The following CFTR variants were observed in gnomAD, a reference collection of about 807,000 sequenced individuals.
CFTR encodes the protein cystic fibrosis transmembrane conductance regulator.
In CFTR, 181 loss-of-function variants were observed where a neutral mutation model predicts 171.6. The observed-to-expected ratio is 1.05, with a 90% CI of 0.93 to 1.19. CFTR has a LOEUF of 1.19. Ranked by LOEUF, CFTR falls within the 50% of genes most tolerant of loss-of-function variation. The pLI, the probability that CFTR is intolerant of heterozygous loss-of-function variation, is 0.00. For synonymous variants in CFTR, 583 were observed against 608.0 expected, an observed-to-expected ratio of 0.96 and a Z score of 0.60; for missense variants, 1,968 against 1,734.7, an observed-to-expected ratio of 1.13 and a Z score of -2.39.
intron 10 of CFTR, among the ~76,000 whole-genome samples, chr7:117,556,050 C>T (rs947083675): frequency 6.6e-6 from 1 of 151,974 alleles, no homozygotes; most frequent in Non-Finnish European, 1.5e-5. Context: ...CAAGTAATCT[C>T]TATAAGATTT....
At chr7:117,578,476 A>G (rs1434294869) in intron 11 of CFTR, among the ~76,000 whole-genome samples, 1 of 152,176 alleles carries the variant, frequency 6.6e-6, no homozygotes, top group African/African-American at 2.4e-5. Context: ...GGTCAACAGT[A>G]GACTATTGCT....
Position 117,567,358 on chromosome 7 carries a change from A to G in CFTR, c.1584+7703A>G, listed in dbSNP as rs536888053. 7.0e-4 allele frequency among the ~76,000 whole-genome samples: 107 copies of G among 152,214 alleles called. 1 individual carries two copies. The highest frequency in any genetic ancestry group is 7.5e-4 in the Non-Finnish European group (51 of 68,028). On this transcript the variant is annotated intron_variant, in intron 11 of 26. Coordinates refer to ENST00000003084, the MANE Select transcript of CFTR (RefSeq NM_000492.4). Reference sequence around the variant, plus strand: ...ATCATGTCATTAGGCTTCTGACTCTATAGCCATAGAAAAATATTCATGAAG... The same window carrying G: ...ATCATGTCATTAGGCTTCTGACTCTGTAGCCATAGAAAAATATTCATGAAG...
intron 1 of CFTR, among the ~76,000 whole-genome samples, chr7:117,481,174 C>T (rs1051922505): frequency 2.0e-5 from 3 of 152,158 alleles, no homozygotes; most frequent in Non-Finnish European, 2.9e-5. Flanking sequence ...CCTGGAACTC[C>T]GGTGCTAAGG....
In CFTR at chr7:117,664,821, T is replaced by C. The variant is rs200955612; in HGVS notation, c.4097T>C (p.Ile1366Thr). The C allele has an allele frequency of 1.2e-5, 19 of 1,614,030 alleles. No individual in the cohort carries two copies. Among genetic ancestry groups the C allele is most frequent in the Middle Eastern group, 1.7e-4 (1 of 6,058 alleles). ...AGATCTGTTCTCAGTAAGGCGAAGA[T>C]CTTGCTGCTTGATGAACCCAGTGCT... The part of the protein sequence containing the change: ...LARSVLSKAK[I>T]LLLDEPSAHL... Residue 1366 changes from isoleucine to threonine, a missense_variant, in exon 25 of 27, where the codon ATC becomes ACC. Transcript: ENST00000003084.
At chr7:117,541,340 A>C (rs1282877621) in intron 8 of CFTR, among the ~76,000 whole-genome samples, 2 of 152,178 alleles carry the variant, frequency 1.3e-5, no homozygotes, top group African/African-American at 2.4e-5. Flanking sequence ...AGAAAACCAA[A>C]CTGGGAGAAA....
intron 10 of CFTR, 79 bp from the exon 11 acceptor site, chr7:117,559,385 G>T: frequency 1.1e-6 from 1 of 910,536 alleles, no homozygotes. Context: ...ATACACTTCT[G>T]CTTAGGATGA....
At chr7:117,601,828 G>T (rs1792230449) in intron 15 of CFTR, among the ~76,000 whole-genome samples, 1 of 152,154 alleles carries the variant, frequency 6.6e-6, no homozygotes, top group Admixed American at 6.5e-5. Context: ...GAGCACAGAT[G>T]ATCTAAATAT....
At chr7:117,504,154 A>C in intron 1 of CFTR, 99 bp from the exon 2 acceptor site, 1 of 749,642 alleles carries the variant, frequency 1.3e-6, no homozygotes. Context: ...TTACATGTGC[A>C]TAATTTTCCA....
At chr7:117,604,840 A>C (rs1330953733) in intron 17 of CFTR, 1 of 152,182 alleles carries the variant, frequency 6.6e-6, no homozygotes, top group Admixed American at 6.5e-5. Context: ...AGACCCACAG[A>C]AGGCAGGGGA....
rs1246352487 is a variant in CFTR at position 117,591,983 on chromosome 7, A to G, written c.1816A>G (p.Lys606Glu). The G allele has an allele frequency of 6.3e-7, 1 of 1,598,092 alleles. No homozygotes were observed. Among genetic ancestry groups the G allele is most frequent in the Non-Finnish European group, 8.5e-7 (1 of 1,175,728 alleles). ...CAAAACTAGGATTTTGGTCACTTCT[A>G]AAATGGAACATTTAAAGAAAGCTGA... ...ANKTRILVTS[K>E]MEHLKKADKI... is the part of the protein sequence containing the mutation. The change falls in exon 14 of 27, where the codon AAA becomes GAA. Residue 606 changes from lysine to glutamate, a missense_variant. By Grantham distance (56) the Lys-to-Glu change is moderately conservative. Coordinates refer to ENST00000003084, the MANE Select transcript of CFTR (RefSeq NM_000492.4).
chr7:117,510,250 T>G (rs1009995433), intron 3 of CFTR, among the ~76,000 whole-genome samples: 15 of 152,208 alleles, frequency 9.9e-5, no homozygotes, highest in Non-Finnish European at 2.1e-4. Context: ...AAATTACTTT[T>G]AAGTTACCTT....
At chr7:117,658,451 C>T (rs1350239447) in intron 24 of CFTR, among the ~76,000 whole-genome samples, 1 of 152,180 alleles carries the variant, frequency 6.6e-6, no homozygotes, top group Non-Finnish European at 1.5e-5. Context: ...TCTCACTTTA[C>T]TTAGTTTCCC....
In CFTR at chr7:117,603,516, C is replaced by T; in HGVS notation, c.2658-16C>T. The T allele has an allele frequency of 1.2e-6, 2 of 1,613,676 alleles. No homozygotes were observed. Among genetic ancestry groups the T allele is most frequent in the Non-Finnish European group, 1.7e-6 (2 of 1,179,824 alleles). On this transcript the variant is annotated splice_polypyrimidine_tract_variant and intron_variant, in intron 16 of 26. Coordinates refer to ENST00000003084, the MANE Select transcript of CFTR (RefSeq NM_000492.4). ...AACTTTGGCTGCCAAATAACGATTT[C>T]CTATTTGCTTTACAGCACTCCTCTT...
intron 13 of CFTR, among the ~76,000 whole-genome samples, chr7:117,590,908 T>C (rs901812020): frequency 4.6e-5 from 7 of 152,034 alleles, no homozygotes; most frequent in African/African-American, 1.7e-4. Flanking sequence ...GATCTCCTCC[T>C]CAGTCACACA....
At chr7:117,654,588 G>A (rs1350745300) in intron 24 of CFTR, among the ~76,000 whole-genome samples, 4 of 152,092 alleles carry the variant, frequency 2.6e-5, no homozygotes, top group Admixed American at 6.5e-5. Flanking sequence ...GAGTTCTCAC[G>A]AGATCCAATG....
chr7:117,567,979 G>A (rs1268612423), intron 11 of CFTR, among the ~76,000 whole-genome samples: 3 of 152,200 alleles, frequency 2.0e-5, no homozygotes, highest in African/African-American at 4.8e-5. Context: ...ATAAACAGGA[G>A]TCATCTGAGT....
chr7:117,592,559 C>T lies in CFTR; in HGVS notation c.2392C>T (p.Pro798Ser), dbSNP rs138069616. Residue 798 changes from proline to serine, a missense_variant, in exon 14 of 27, where the codon CCT (proline) becomes TCT (serine). By Grantham distance (74) the Pro-to-Ser change is moderately conservative. Transcript: ENST00000003084. ...ATCCACACGAAAAGTGTCACTGGCCCCTCAGGCAAACTTGACTGAACTGGA... is the reference window on the plus strand; with the variant it reads ...ATCCACACGAAAAGTGTCACTGGCCTCTCAGGCAAACTTGACTGAACTGGA... ...TASTRKVSLA[P>S]QANLTELDIY... 4.4e-5 allele frequency: 67 copies of T among 1,520,656 alleles called. No individual in the cohort carries two copies. The highest frequency in any genetic ancestry group is 5.5e-5 in the Non-Finnish European group (62 of 1,137,170). The allele number at this position is 1,520,656 out of a possible 1,614,324, so 94.2% of individuals were successfully genotyped here. A position where few individuals can be genotyped will look rare whatever the true frequency, so the allele number is the denominator to read the frequency against.
At chr7:117,546,726 G>A (rs139072962) in intron 9 of CFTR, among the ~76,000 whole-genome samples, 1 of 152,256 alleles carries the variant, frequency 6.6e-6, no homozygotes, top group African/African-American at 2.4e-5. Flanking sequence ...TAGGTTAATA[G>A]CCTTTGTCAC....
intron 7 of CFTR, among the ~76,000 whole-genome samples, chr7:117,537,719 C>G (rs1798980128): frequency 6.6e-6 from 1 of 152,156 alleles, no homozygotes; most frequent in African/African-American, 2.4e-5. Flanking sequence ...TTATTGCTCA[C>G]CTGTTTTTGT....
Sources: allele counts gnomAD v4.1 joint callset (sites outside exome capture counted in the v4.1 genomes callset), GRCh38; gene constraint gnomAD v4.1.1; transcripts MANE v1.5; gene names NCBI Gene and HGNC (gene_info 2026-07-23, HGNC 2026-07-21).